Variants in ITGA4 observed in about 807,000 individuals in gnomAD.
The protein encoded by ITGA4 is integrin alpha-4.
ITGA4 carries 63 observed loss-of-function variants against 133.6 expected under a neutral mutation model. The ratio of observed to expected loss-of-function variants is 0.47; its 90% CI spans 0.38 to 0.58. The LOEUF (loss-of-function observed/expected upper bound fraction) is 0.58. Ranked by LOEUF, ITGA4 falls within the 20% of genes least tolerant of loss-of-function variation. ITGA4 has a pLI of 0.00. For synonymous variants in ITGA4, 483 were observed against 438.0 expected (o/e 1.10, Z -1.28); for missense variants, 1,076 against 1,252.7 (o/e 0.86, Z 2.13).
intron 9 of ITGA4, among the ~76,000 whole-genome samples, chr2:181,483,737 A>G (rs1485164500): frequency 6.6e-6 from 1 of 152,210 alleles, no homozygotes; most frequent in Non-Finnish European, 1.5e-5. Flanking sequence ...GTAATATCAG[A>G]TAATTTTCTT....
At position 181,535,794 on chromosome 2, in the gene ITGA4, AAAGT is replaced by A. The variant is rs886557668; in HGVS notation, c.*271_*274del. On this transcript the variant is annotated 3_prime_UTR_variant, in exon 28 of 28. Coordinates refer to ENST00000397033, the MANE Select transcript of ITGA4 (RefSeq NM_000885.6). Reference sequence around the variant, plus strand: ...ACTAAAGCATTCAATTTATTCAAGAAAAGTAAGCCCTTGAAGATATCTTGAAATG... The same window carrying A: ...ACTAAAGCATTCAATTTATTCAAGAAAAGCCCTTGAAGATATCTTGAAATG... 3.8e-6 allele frequency: 1 copy of A among 263,428 alleles called. No individual in the cohort carries two copies. The highest frequency in any genetic ancestry group is 7.2e-6 in the Non-Finnish European group (1 of 138,368). 16.3% of individuals were successfully genotyped at this position (263,428 alleles called of 1,614,324 possible). A position where few individuals can be genotyped will look rare whatever the true frequency, so the allele number is the denominator to read the frequency against.
At chr2:181,498,177 T>C (rs1349876151) in intron 14 of ITGA4, 1 of 152,104 alleles carries the variant, frequency 6.6e-6, no homozygotes, top group Non-Finnish European at 1.5e-5. Context: ...ATCTAAAATA[T>C]AAAAAAGTCA....
intron 15 of ITGA4, among the ~76,000 whole-genome samples, chr2:181,506,055 A>G (rs1052270431): frequency 1.3e-5 from 2 of 152,138 alleles, no homozygotes; most frequent in South Asian, 4.1e-4. Flanking sequence ...GTAATTTAAT[A>G]TAAGAATCTC....
At position 181,523,216 on chromosome 2, in the gene ITGA4, A is replaced by G. The variant is rs1307873969; in HGVS notation, c.2074-221A>G. On this transcript the variant is annotated intron_variant, in intron 18 of 27. Coordinates refer to ENST00000397033, the MANE Select transcript of ITGA4 (RefSeq NM_000885.6). This position sits in a 1 kb window ranked among gnomAD's most constrained non-coding sequence, Gnocchi z 4.2. ...CATATATATACACACACATATATAC[A>G]CACATATATACATACATATATATAC... 1 of 385,422 alleles carries G rather than the reference A, an allele frequency of 2.6e-6. No homozygotes were observed. The highest frequency in any genetic ancestry group is 4.8e-6 in the Non-Finnish European group (1 of 206,730). The allele number at this position is 385,422 out of a possible 1,614,324, so 23.9% of individuals were successfully genotyped here. A position where few individuals can be genotyped will look rare whatever the true frequency, so the allele number is the denominator to read the frequency against.
At chr2:181,534,969 TA>T (rs1335931800) in intron 27 of ITGA4, 34 bp downstream of exon 27, 12 of 1,528,570 alleles carry the variant, frequency 7.9e-6, no homozygotes, top group Non-Finnish European at 1.0e-5. Flanking sequence ...ATTAGTCTAC[TA>T]AAAATGACAT....
chr2:181,471,394 G>A (rs1432198320), intron 2 of ITGA4, among the ~76,000 whole-genome samples: 1 of 152,078 alleles, frequency 6.6e-6, no homozygotes, highest in African/African-American at 2.4e-5. Context: ...CAGAAACATT[G>A]TAAATAAATA....
In ITGA4 at chr2:181,471,701, T is replaced by G. The variant is rs539979002; in HGVS notation, c.320-3259T>G. 2.0e-5 allele frequency among the ~76,000 whole-genome samples: 3 copies of G among 152,278 alleles called. No individual in the cohort carries two copies. The South Asian group carries it at 6.2e-4, about 32-fold the overall frequency. On this transcript the variant is annotated intron_variant, in intron 2 of 27. Coordinates refer to ENST00000397033, the MANE Select transcript of ITGA4 (RefSeq NM_000885.6). ...CATTTTGACCCCCACCCCACCAATT[T>G]CCCACTTACACACCTGCCATATGTT...
rs773757494 is a variant in ITGA4, at chr2:181,509,672, C to T, written c.1710C>T (p.Asp570=). Residue 570 remains aspartate (D), a synonymous_variant, in exon 16 of 28, where the codon GAC becomes GAT. Coordinates refer to ENST00000397033, the MANE Select transcript of ITGA4 (RefSeq NM_000885.6). ...HQAFMRKDVR[D]ILTPIQIEAA... ...ATTTTCCTTAGAAAGATGTGCGGGA[C>T]ATCCTCACCCCAATTCAGATTGAAG... 6.3e-7 allele frequency: 1 copy of T among 1,592,496 alleles called. No individual in the cohort carries two copies. The highest frequency in any genetic ancestry group is 1.4e-5 in the African/African-American group (1 of 73,608).
At chr2:181,459,757 T>G (rs1685219973) in intron 2 of ITGA4, among the ~76,000 whole-genome samples, 1 of 152,200 alleles carries the variant, frequency 6.6e-6, no homozygotes, top group South Asian at 2.1e-4. Context: ...ACAACTTTGG[T>G]CTGCCAGAGG....
chr2:181,506,666 G>A (rs759209590), intron 15 of ITGA4, among the ~76,000 whole-genome samples: 23 of 151,864 alleles, frequency 1.5e-4, no homozygotes, highest in South Asian at 4.1e-4. Flanking sequence ...AAATTACTTC[G>A]TTGATTTTTA....
intron 2 of ITGA4, among the ~76,000 whole-genome samples, chr2:181,463,585 T>C (rs145264767): frequency 6.4e-4 from 98 of 152,230 alleles, no homozygotes; most frequent in Non-Finnish European, 1.2e-3. Context: ...GTTACTGAAG[T>C]TTCTAATTTG....
At chr2:181,515,912 G>T (rs1457093731) in intron 17 of ITGA4, among the ~76,000 whole-genome samples, 1 of 152,028 alleles carries the variant, frequency 6.6e-6, no homozygotes. Flanking sequence ...CCTGTTTTAG[G>T]TAAATGTATT....
chr2:181,504,259 G>A (rs1686345210), intron 15 of ITGA4, among the ~76,000 whole-genome samples: 1 of 151,998 alleles, frequency 6.6e-6, no homozygotes, highest in Admixed American at 6.6e-5. Flanking sequence ...TACCTGGGTA[G>A]ATTAGTTAAT....
chr2:181,522,425 T>C, intron 18 of ITGA4, 84 bp downstream of exon 18: 1 of 918,848 alleles, frequency 1.1e-6, no homozygotes, highest in Non-Finnish European at 1.6e-6. Context: ...TTCACTTCAC[T>C]GATTTGGGGT....
At chr2:181,522,551 T>G (rs1686743330) in intron 18 of ITGA4, among the ~76,000 whole-genome samples, 1 of 152,166 alleles carries the variant, frequency 6.6e-6, no homozygotes, top group Non-Finnish European at 1.5e-5. Flanking sequence ...TTTCCAGTAC[T>G]AGGAGTAGGA....
intron 15 of ITGA4, among the ~76,000 whole-genome samples, chr2:181,506,720 TGTG>T: frequency 6.6e-6 from 1 of 152,108 alleles, no homozygotes; most frequent in Non-Finnish European, 1.5e-5. Context: ...AGCAATAATA[TGTG>T]TGATAGGGAT....
At chr2:181,464,950 G>T (rs1462749964) in intron 2 of ITGA4, among the ~76,000 whole-genome samples, 1 of 152,096 alleles carries the variant, frequency 6.6e-6, no homozygotes. Context: ...AAAAATCATA[G>T]AAAATCTTTT....
rs1686094377 is a variant in ITGA4 at position 181,493,311 on chromosome 2, A to C, written c.1154-14A>C. On this transcript the variant is annotated splice_polypyrimidine_tract_variant and intron_variant, in intron 10 of 27. Transcript: ENST00000397033. ...TCAAGAATTTATTTTTCCATTGTTT[A>C]AATTATTGGATAGATGTTGCTATCG... 1 of 1,564,546 alleles carries C rather than the reference A, an allele frequency of 6.4e-7. No homozygotes were observed. The highest frequency in any genetic ancestry group is 8.7e-7 in the Non-Finnish European group (1 of 1,143,600).
At position 181,509,724 on chromosome 2, in the gene ITGA4, A is replaced by G; in HGVS notation, c.1762A>G (p.Ile588Val). ...EAAYHLGPHV[I>V]SKRSTEEFPP... The stretch of plus-strand genomic sequence containing the variant: ...TGCTTACCACCTTGGTCCTCATGTC[A>G]TCAGTAAACGAAGTACAGAGGAATT... Residue 588 changes from isoleucine to valine, a missense_variant, in exon 16 of 28, where the codon ATC becomes GTC. Ile to Val is a conservative substitution (Grantham distance 29). This residue lies in a region of ITGA4 where 365 missense variants were observed against 421.4 expected (regional missense o/e 0.87). Coordinates refer to ENST00000397033, the MANE Select transcript of ITGA4 (RefSeq NM_000885.6). 2.5e-6 allele frequency: 4 copies of G among 1,611,216 alleles called. No homozygotes were observed. The highest frequency in any genetic ancestry group is 3.4e-6 in the Non-Finnish European group (4 of 1,178,036).
Sources: gnomAD v4.1 joint callset for allele counts (sites outside exome capture counted in the v4.1 genomes callset) on GRCh38, gnomAD v4.1.1 for gene constraint, gnomAD v4.1.1 regional missense constraint, Gnocchi (gnomAD v3.1) non-coding constraint, MANE v1.5 for transcripts, NCBI Gene and HGNC (gene_info 2026-07-23, HGNC 2026-07-21) for gene names.